The following ST8SIA6 variants were observed in gnomAD, a reference collection of about 807,000 sequenced individuals.
ST8SIA6 encodes alpha-2,8-sialyltransferase 8F.
ST8SIA6 carries 39 observed loss-of-function variants against 33.6 expected under a neutral mutation model. The ratio of observed to expected loss-of-function variants is 1.16; its 90% CI spans 0.90 to 1.52. The LOEUF (loss-of-function observed/expected upper bound fraction) is 1.52, where lower values mean the gene tolerates loss of function less well. Among genes scored for constraint, ST8SIA6 ranks in the 40% most tolerant of loss-of-function variants. The probability of loss-of-function intolerance (pLI) is 0.00; values close to 1 mark genes in which losing one functional copy is unlikely to be tolerated. For synonymous variants in ST8SIA6, 172 were observed against 167.2 expected, an observed-to-expected ratio of 1.03 and a Z score of -0.22; for missense variants, 441 against 443.8, an observed-to-expected ratio of 0.99 and a Z score of 0.06.
intron 7 of ST8SIA6, among the ~76,000 whole-genome samples, chr10:17,322,094 CAGAGAGAGAGAG>C (rs10544183): frequency 5.2e-5 from 7 of 134,348 alleles, no homozygotes; most frequent in Admixed American, 1.6e-4. Flanking sequence ...CAAAGAGAGA[CAGAGAGAGAGAG>C]AGAGAGAGAG....
rs753562099 is a variant in ST8SIA6 at position 17,448,782 on chromosome 10, ATTTTTTTT to A, written c.200+4769_200+4776del. Reference sequence around the variant, plus strand: ...AGGTGCCCGCCACCACGCCAGGCTAATTTTTTTTTTTTTTTTTTTTTTGTTAGAGACAG... The same window carrying A: ...AGGTGCCCGCCACCACGCCAGGCTAATTTTTTTTTTTTTTGTTAGAGACAG... On this transcript the variant is annotated intron_variant, in intron 2 of 7. Transcript: ENST00000377602. Among the ~76,000 whole-genome samples, 110 of 123,558 alleles carry A rather than the reference ATTTTTTTT, an allele frequency of 8.9e-4. 2 individuals carry two copies. Among genetic ancestry groups the A allele is most frequent in the Admixed American group, 4.7e-3 (55 of 11,644 alleles). 81.1% of individuals were successfully genotyped at this position (123,558 alleles called of 152,430 possible).
At position 17,315,580 on chromosome 10, in the gene ST8SIA6, A is replaced by C. The variant is rs1345044137; in HGVS notation, c.*5298T>G. ...TACAGATACACAATCAACATGAATG[A>C]GTTTTAATATTATTATGTCGAGCAA... On this transcript the variant is annotated 3_prime_UTR_variant, in exon 8 of 8. Transcript: ENST00000377602. 6.6e-6 allele frequency among the ~76,000 whole-genome samples: 1 copy of C among 152,068 alleles called. No individual in the cohort carries two copies. The highest frequency in any genetic ancestry group is 1.9e-4 in the East Asian group (1 of 5,202).
At chr10:17,395,998 G>C (rs112939237) in intron 2 of ST8SIA6, among the ~76,000 whole-genome samples, 2,043 of 152,268 alleles carry the variant, frequency 0.013, 27 homozygotes, top group Non-Finnish European at 0.022. Flanking sequence ...AGAGACCATG[G>C]CGACCCTCAT....
intron 2 of ST8SIA6, among the ~76,000 whole-genome samples, chr10:17,424,303 C>T (rs527603402): frequency 2.6e-4 from 40 of 152,226 alleles, no homozygotes; most frequent in African/African-American, 6.7e-4. Context: ...GAGGTTTCCA[C>T]ATTTTGCACA....
In ST8SIA6 at chr10:17,320,605, C is replaced by A. The variant is rs562746921; in HGVS notation, c.*273G>T. On this transcript the variant is annotated 3_prime_UTR_variant, in exon 8 of 8. Transcript: ENST00000377602. ...AGTAAGAAAGAAATATTCTTTGAGT[C>A]CCTACCTCACACCAAAGGCCATGCC... The A allele has an allele frequency of 8.4e-5, 35 of 416,410 alleles. No homozygotes were observed. In the South Asian group the frequency reaches 1.1e-3, roughly 13 times the overall value. 25.8% of individuals were successfully genotyped at this position (416,410 alleles called of 1,614,324 possible).
chr10:17,447,278 G>A (rs1017803257), intron 2 of ST8SIA6, among the ~76,000 whole-genome samples: 1 of 150,928 alleles, frequency 6.6e-6, no homozygotes, highest in Non-Finnish European at 1.5e-5. Context: ...CAGTGGTGTG[G>A]GCCTGTAATC....
At chr10:17,350,180 C>T (rs1321889199) in intron 4 of ST8SIA6, among the ~76,000 whole-genome samples, 3 of 152,062 alleles carry the variant, frequency 2.0e-5, no homozygotes, top group Non-Finnish European at 2.9e-5. Flanking sequence ...AAGGATTCAT[C>T]GTGGTTCATG....
chr10:17,440,156 A>G (rs1427660003), intron 2 of ST8SIA6, among the ~76,000 whole-genome samples: 2 of 151,552 alleles, frequency 1.3e-5, no homozygotes, highest in Admixed American at 1.3e-4. Context: ...AGGGATACTG[A>G]TTTTTAGTCA....
intron 2 of ST8SIA6, among the ~76,000 whole-genome samples, chr10:17,396,490 C>T (rs1282406056): frequency 6.6e-6 from 1 of 152,178 alleles, no homozygotes; most frequent in Non-Finnish European, 1.5e-5. Flanking sequence ...TAACTGTGCT[C>T]CTTTTTCAGA....
intron 2 of ST8SIA6, among the ~76,000 whole-genome samples, chr10:17,415,083 T>TC (rs934444415): frequency 8.5e-5 from 13 of 152,102 alleles, no homozygotes; most frequent in African/African-American, 2.9e-4. Context: ...ATAATCCCTC[T>TC]CCATCTCCCA....
intron 5 of ST8SIA6, among the ~76,000 whole-genome samples, chr10:17,329,399 AATG>A (rs1191917111): frequency 6.6e-6 from 1 of 151,052 alleles, no homozygotes; most frequent in African/African-American, 2.5e-5. Flanking sequence ...CATGGATTAA[AATG>A]ATAACTTAAT....
chr10:17,378,812 G>T (rs1850007719), intron 3 of ST8SIA6, among the ~76,000 whole-genome samples: 1 of 152,102 alleles, frequency 6.6e-6, no homozygotes, highest in Non-Finnish European at 1.5e-5. Context: ...TCCAATGAGG[G>T]AATTTAAGAA....
chr10:17,409,286 A>G (rs746569), intron 2 of ST8SIA6: 47,514 of 152,514 alleles, frequency 0.31, 8,321 homozygotes, highest in East Asian at 0.6. Flanking sequence ...CTATAGCTCA[A>G]CTTTTACATA....
chr10:17,399,369 A>G (rs1397960817), intron 2 of ST8SIA6, among the ~76,000 whole-genome samples: 1 of 152,204 alleles, frequency 6.6e-6, no homozygotes, highest in Non-Finnish European at 1.5e-5. Context: ...CCATGATTCT[A>G]TGTTTTGGTG....
intron 2 of ST8SIA6, among the ~76,000 whole-genome samples, chr10:17,422,709 T>G (rs1344464099): frequency 6.6e-6 from 1 of 152,206 alleles, no homozygotes; most frequent in Non-Finnish European, 1.5e-5. Context: ...ATTTGTCTTC[T>G]TCTACTTTAA....
intron 2 of ST8SIA6, among the ~76,000 whole-genome samples, chr10:17,396,000 G>A (rs1326533816): frequency 6.6e-6 from 1 of 152,202 alleles, no homozygotes; most frequent in Non-Finnish European, 1.5e-5. Flanking sequence ...AGACCATGGC[G>A]ACCCTCATGG....
chr10:17,365,310 G>T (rs1488690931), intron 3 of ST8SIA6, among the ~76,000 whole-genome samples: 1 of 152,138 alleles, frequency 6.6e-6, no homozygotes, highest in Non-Finnish European at 1.5e-5. Flanking sequence ...TCTCAATTAA[G>T]ATATAAATAG....
chr10:17,386,628 C>T (rs1286312033), intron 3 of ST8SIA6, among the ~76,000 whole-genome samples: 1 of 152,162 alleles, frequency 6.6e-6, no homozygotes. Context: ...TGTATTGGTT[C>T]GAACCCTGAG....
chr10:17,401,017 A>G (rs1851018334), intron 2 of ST8SIA6, among the ~76,000 whole-genome samples: 1 of 152,224 alleles, frequency 6.6e-6, no homozygotes, highest in African/African-American at 2.4e-5. Flanking sequence ...ACACGATTGT[A>G]TATCTAGAAA....
Sources: gnomAD v4.1 joint callset for allele counts (sites outside exome capture counted in the v4.1 genomes callset) on GRCh38, gnomAD v4.1.1 for gene constraint, MANE v1.5 for transcripts, NCBI Gene and HGNC (gene_info 2026-07-23, HGNC 2026-07-21) for gene names.